Variants in MAN1C1 observed in about 807,000 individuals in gnomAD.
MAN1C1 encodes mannosidase alpha class 1C member 1.
In MAN1C1, 49 loss-of-function variants were observed where a neutral mutation model predicts 71.5. That is an observed-to-expected ratio of 0.69 (90% CI 0.54 to 0.87). The LOEUF is 0.87. MAN1C1 is among the 40% of genes least tolerant of loss of function. The pLI, the probability that MAN1C1 is intolerant of heterozygous loss-of-function variation, is 0.00. For synonymous variants in MAN1C1, 352 were observed against 343.7 expected (o/e 1.02, Z -0.27); for missense variants, 743 against 835.0 (o/e 0.89, Z 1.36).
intron 11 of MAN1C1, among the ~76,000 whole-genome samples, chr1:25,783,045 G>A (rs939501455): frequency 6.6e-6 from 1 of 152,200 alleles, no homozygotes; most frequent in Non-Finnish European, 1.5e-5. Context: ...AGTGCTGGTT[G>A]CTGGCATTGA....
chr1:25,685,434 G>A (rs1316891331), intron 1 of MAN1C1, among the ~76,000 whole-genome samples: 1 of 152,200 alleles, frequency 6.6e-6, no homozygotes, highest in Non-Finnish European at 1.5e-5. Context: ...GCTGTGTTGT[G>A]CTCCCTCTGC....
intron 2 of MAN1C1, among the ~76,000 whole-genome samples, chr1:25,733,136 C>A (rs2046932440): frequency 6.6e-6 from 1 of 152,190 alleles, no homozygotes; most frequent in Admixed American, 6.5e-5. Flanking sequence ...ACAGCTACCC[C>A]CACAGCTGGG....
intron 1 of MAN1C1, among the ~76,000 whole-genome samples, chr1:25,661,911 C>T (rs771091154): frequency 6.6e-6 from 1 of 152,178 alleles, no homozygotes; most frequent in East Asian, 1.9e-4. Context: ...GCTCTATAAA[C>T]TGTAAAGCCA....
chr1:25,712,608 C>G (rs1440709723), intron 2 of MAN1C1, among the ~76,000 whole-genome samples: 1 of 152,206 alleles, frequency 6.6e-6, no homozygotes, highest in Non-Finnish European at 1.5e-5. Context: ...AGTCCCTTCT[C>G]CTTGAGCAGT....
At chr1:25,704,916 C>G (rs557528334) in intron 2 of MAN1C1, among the ~76,000 whole-genome samples, 4 of 152,342 alleles carry the variant, frequency 2.6e-5, no homozygotes, top group African/African-American at 9.6e-5. Flanking sequence ...GAGACACTTG[C>G]ATTTTTAAGC....
At chr1:25,754,224 G>A (rs974594827) in intron 5 of MAN1C1, among the ~76,000 whole-genome samples, 1 of 152,192 alleles carries the variant, frequency 6.6e-6, no homozygotes, top group African/African-American at 2.4e-5. Context: ...AGGCTGTGAC[G>A]TTCCACTGCA....
rs577450564 is a variant in MAN1C1, at chr1:25,630,641, G to A, written c.540+12304G>A. On this transcript the variant is annotated intron_variant, in intron 1 of 11. Coordinates refer to ENST00000374332, the MANE Select transcript of MAN1C1 (RefSeq NM_020379.4). Reference sequence around the variant, plus strand: ...CCTCCTTAGTTAAGTATATTCCTAAGTTTTTTATTTTATTTTATTTTTGCA... The same window carrying A: ...CCTCCTTAGTTAAGTATATTCCTAAATTTTTTATTTTATTTTATTTTTGCA... Among the ~76,000 whole-genome samples, 455 of 152,180 alleles carry A rather than the reference G, an allele frequency of 3.0e-3. 5 individuals are homozygous for A. Among genetic ancestry groups the A allele is most frequent in the African/African-American group, 0.01 (425 of 41,524 alleles).
intron 2 of MAN1C1, among the ~76,000 whole-genome samples, chr1:25,701,122 A>G (rs1193058361): frequency 6.6e-6 from 1 of 152,232 alleles, no homozygotes; most frequent in Non-Finnish European, 1.5e-5. Flanking sequence ...ATATTCGTTT[A>G]TGGAGGAAGG....
At chr1:25,700,516 T>C (rs1257346327) in intron 2 of MAN1C1, among the ~76,000 whole-genome samples, 2 of 152,162 alleles carry the variant, frequency 1.3e-5, no homozygotes, top group African/African-American at 4.8e-5. Flanking sequence ...GGGCAGAGGA[T>C]GTGAAAATGA....
At chr1:25,752,748 GGA>G (rs2047233333) in intron 4 of MAN1C1, among the ~76,000 whole-genome samples, 1 of 152,240 alleles carries the variant, frequency 6.6e-6, no homozygotes, top group African/African-American at 2.4e-5. Context: ...GTGAGGCCTG[GGA>G]CCTCGCTGTG....
intron 8 of MAN1C1, among the ~76,000 whole-genome samples, chr1:25,773,989 C>T (rs1195257800): frequency 1.3e-5 from 2 of 152,182 alleles, no homozygotes; most frequent in Non-Finnish European, 2.9e-5. Flanking sequence ...CCGGGCCACA[C>T]ATAAACCTCC....
At chr1:25,687,319 GTC>G (rs1223383928) in intron 2 of MAN1C1, among the ~76,000 whole-genome samples, 2 of 152,188 alleles carry the variant, frequency 1.3e-5, no homozygotes, top group Non-Finnish European at 2.9e-5. Context: ...AGCCTTGGGA[GTC>G]TCTCTCTGTG....
chr1:25,720,284 T>G (rs2046746093), intron 2 of MAN1C1, among the ~76,000 whole-genome samples: 1 of 151,844 alleles, frequency 6.6e-6, no homozygotes, highest in Admixed American at 6.6e-5. Context: ...CAATCTCGGC[T>G]CACTGCAACC....
chr1:25,737,412 G>A (rs2046997507), intron 2 of MAN1C1, among the ~76,000 whole-genome samples: 3 of 152,218 alleles, frequency 2.0e-5, no homozygotes, highest in Non-Finnish European at 4.4e-5. Context: ...CCCCCCGACA[G>A]GGATTTCCTT....
intron 11 of MAN1C1, among the ~76,000 whole-genome samples, chr1:25,783,341 G>A (rs897974935): frequency 5.5e-4 from 84 of 152,216 alleles, no homozygotes; most frequent in African/African-American, 2.0e-3. Context: ...CAACTGGACT[G>A]CAGCAGCCCT....
intron 1 of MAN1C1, among the ~76,000 whole-genome samples, chr1:25,647,852 G>T (rs913363999): frequency 6.6e-6 from 1 of 152,058 alleles, no homozygotes; most frequent in Non-Finnish European, 1.5e-5. Context: ...GGCTCTCTTG[G>T]CTGCTGGCTA....
intron 2 of MAN1C1, among the ~76,000 whole-genome samples, chr1:25,737,298 A>T (rs888264391): frequency 2.0e-5 from 3 of 152,204 alleles, no homozygotes; most frequent in Admixed American, 6.5e-5. Context: ...TGCAGTAATC[A>T]TTCTCCAGCC....
At position 25,667,101 on chromosome 1, in the gene MAN1C1, A is replaced by G. The variant is rs144820990; in HGVS notation, c.541-19339A>G. On this transcript the variant is annotated intron_variant, in intron 1 of 11. Transcript: ENST00000374332. Reference sequence around the variant, plus strand: ...AAGGTGTATTCAGTTCTTGGGGAGGAGGATGTGAGGATGGGAGGGAGGTAG... The same window carrying G: ...AAGGTGTATTCAGTTCTTGGGGAGGGGGATGTGAGGATGGGAGGGAGGTAG... 1.4e-3 allele frequency among the ~76,000 whole-genome samples: 215 copies of G among 152,232 alleles called. 3 individuals carry two copies. Among genetic ancestry groups the G allele is most frequent in the African/African-American group, 4.7e-3 (195 of 41,540 alleles).
In MAN1C1 at chr1:25,757,451, A is replaced by T. The variant is rs916354283; in HGVS notation, c.930-1141A>T. 2.6e-5 allele frequency among the ~76,000 whole-genome samples: 4 copies of T among 152,158 alleles called. No homozygotes were observed. In the East Asian group the frequency reaches 7.7e-4, roughly 29 times the overall value. On this transcript the variant is annotated intron_variant, in intron 5 of 11. Transcript: ENST00000374332. Reference sequence around the variant, plus strand: ...AGACCCTGTGCCCTTGGTTGTCCTAAATATCCCACAGGAAAGATAATCATG... The same window carrying T: ...AGACCCTGTGCCCTTGGTTGTCCTATATATCCCACAGGAAAGATAATCATG...
Sources: allele counts gnomAD v4.1 joint callset (sites outside exome capture counted in the v4.1 genomes callset), GRCh38; gene constraint gnomAD v4.1.1; transcripts MANE v1.5; gene names NCBI Gene and HGNC (gene_info 2026-07-23, HGNC 2026-07-21).